The following ZC4H2 variants were observed in gnomAD, a reference collection of about 807,000 sequenced individuals.
The protein encoded by ZC4H2 is zinc finger C4H2 domain-containing protein.
For missense variants in ZC4H2, 137 were observed against 173.9 expected (o/e 0.79, Z 1.19); for synonymous variants, 84 against 66.3 (o/e 1.27, Z -1.30).
rs1287323300 is a variant in ZC4H2 at position 64,917,731 on chromosome X, T to G, written c.*52A>C. The G allele has an allele frequency of 1.7e-6, 2 of 1,181,834 alleles. No homozygotes were observed. Among genetic ancestry groups the G allele is most frequent in the Admixed American group, 4.8e-5 (2 of 41,494 alleles). On this transcript the variant is annotated 3_prime_UTR_variant, in exon 5 of 5. Transcript: ENST00000374839. ...TTTCACATCAGGACATCAATGACTCTGGTCAAGGTGAGGGGTTATAATTAG... is the reference window on the plus strand; with the variant it reads ...TTTCACATCAGGACATCAATGACTCGGGTCAAGGTGAGGGGTTATAATTAG...
chrX:64,920,375 C>A, intron 2 of ZC4H2, 122 bp from the exon 3 acceptor site: 3 of 672,340 alleles, frequency 4.5e-6, no homozygotes, highest in Non-Finnish European at 6.4e-6. Flanking sequence ...AGTCCTTGAT[C>A]TCCCATGCCC....
At chrX:64,999,539 G>A (rs1932493312) in intron 1 of ZC4H2, among the ~76,000 whole-genome samples, 1 of 112,303 alleles carries the variant, frequency 8.9e-6, no homozygotes, top group African/African-American at 3.2e-5. Flanking sequence ...TGAGCTAGCT[G>A]CAAGAGCTTT....
chrX:64,971,340 G>T (rs1204636616), intron 1 of ZC4H2, among the ~76,000 whole-genome samples: 1 of 112,278 alleles, frequency 8.9e-6, no homozygotes, highest in Non-Finnish European at 1.9e-5. Context: ...AATGGATACT[G>T]CATTACAAAT....
At chrX:64,938,741 T>G (rs1930133055) in intron 1 of ZC4H2, among the ~76,000 whole-genome samples, 1 of 111,961 alleles carries the variant, frequency 8.9e-6, no homozygotes, top group Non-Finnish European at 1.9e-5. Context: ...TCAACACCCC[T>G]TTATGCTAAA....
At chrX:64,948,889 C>A (rs776181325) in intron 1 of ZC4H2, among the ~76,000 whole-genome samples, 8 of 111,751 alleles carry the variant, frequency 7.2e-5, no homozygotes, top group Non-Finnish European at 1.5e-4. Flanking sequence ...AAACGTTTCA[C>A]CAAGTTGTAA....
intron 1 of ZC4H2, among the ~76,000 whole-genome samples, chrX:64,928,621 G>T (rs1929540020): frequency 1.0e-5 from 1 of 97,040 alleles, no homozygotes; most frequent in African/African-American, 4.4e-5. Context: ...CATGTCCTTT[G>T]CCTGCTTTCT....
At chrX:64,959,059 C>T (rs1019267754) in intron 1 of ZC4H2, among the ~76,000 whole-genome samples, 1 of 110,962 alleles carries the variant, frequency 9.0e-6, no homozygotes, top group Non-Finnish European at 1.9e-5. Flanking sequence ...ACTTTCTGGC[C>T]AATTTTATGG....
chrX:64,928,637 TTCTTCTTC>T (rs1160386873), intron 1 of ZC4H2, among the ~76,000 whole-genome samples: 22 of 64,920 alleles, frequency 3.4e-4, no homozygotes, highest in Non-Finnish European at 7.7e-4. Context: ...TTTCTCCTTC[TTCTTCTTC>T]TTCTTCTTCT....
At chrX:65,007,521 T>C (rs1490088856) in intron 1 of ZC4H2, among the ~76,000 whole-genome samples, 1 of 112,094 alleles carries the variant, frequency 8.9e-6, no homozygotes, top group Non-Finnish European at 1.9e-5. Flanking sequence ...TTTTTGAATG[T>C]CCCAGTCTTT....
In ZC4H2 at chrX:64,933,609, G is replaced by A. The variant is rs770179592; in HGVS notation, c.54-11621C>T. 8.2e-5 allele frequency among the ~76,000 whole-genome samples: 9 copies of A among 110,337 alleles called. No homozygotes were observed. The South Asian group carries it at 2.4e-3, about 29-fold the overall frequency. ...GTTTGATTCTTGGTGATTTTAGGAT[G>A]AAAACTCTGTATGAGTTCCTTATTT... On this transcript the variant is annotated intron_variant, in intron 1 of 4. Coordinates refer to ENST00000374839, the MANE Select transcript of ZC4H2 (RefSeq NM_018684.4).
At chrX:64,995,845 C>T (rs531217960) in intron 1 of ZC4H2, among the ~76,000 whole-genome samples, 3 of 112,279 alleles carry the variant, frequency 2.7e-5, no homozygotes, top group South Asian at 7.4e-4. Context: ...CCTCTCAGGG[C>T]AGAAAACTTG....
chrX:64,965,571 C>T (rs1211431736), intron 1 of ZC4H2: 1 of 275,824 alleles, frequency 3.6e-6, no homozygotes, highest in Non-Finnish European at 6.7e-6. Context: ...CTTAGGCAAA[C>T]ATTTCTCCTA....
intron 1 of ZC4H2, among the ~76,000 whole-genome samples, chrX:65,003,125 C>CA (rs34863152): frequency 0.099 from 8,607 of 87,376 alleles, 1,050 homozygotes; most frequent in African/African-American, 0.31. Flanking sequence ...GTCTGAAATT[C>CA]AAAAAAAAAA....
chrX:64,937,854 T>C (rs1485729546), intron 1 of ZC4H2, among the ~76,000 whole-genome samples: 2 of 111,438 alleles, frequency 1.8e-5, no homozygotes, highest in East Asian at 5.6e-4. Flanking sequence ...ATTGACACCC[T>C]AACATCACAA....
In ZC4H2 at chrX:64,947,788, G is replaced by T. The variant is rs754226015; in HGVS notation, c.54-25800C>A. Among the ~76,000 whole-genome samples, 7 of 111,418 alleles carry T rather than the reference G, an allele frequency of 6.3e-5. No individual in the cohort carries two copies. The East Asian group carries it at 8.4e-4, about 13-fold the overall frequency. ...AAACTGTGAATAATGCAAACACTGA[G>T]CTGTGACCAATCCAGTTGTTTCTGT... On this transcript the variant is annotated intron_variant, in intron 1 of 4. Coordinates refer to ENST00000374839, the MANE Select transcript of ZC4H2 (RefSeq NM_018684.4).
intron 1 of ZC4H2, among the ~76,000 whole-genome samples, chrX:64,973,028 T>A (rs1931831593): frequency 1.8e-5 from 2 of 111,983 alleles, no homozygotes; most frequent in South Asian, 7.5e-4. Context: ...TGACTATTTT[T>A]CATTATGTAA....
intron 1 of ZC4H2, among the ~76,000 whole-genome samples, chrX:65,011,214 C>A (rs1243332937): frequency 1.8e-5 from 2 of 111,651 alleles, no homozygotes; most frequent in Non-Finnish European, 3.8e-5. Flanking sequence ...TATTATTATC[C>A]TTATATCACT....
chrX:64,921,564 T>A (rs187564140), intron 2 of ZC4H2, among the ~76,000 whole-genome samples: 387 of 111,513 alleles, frequency 3.5e-3, no homozygotes, highest in Non-Finnish European at 5.5e-3. Context: ...ATTTAGAGGG[T>A]ACTGAGTCCC....
chrX:64,971,581 C>T (rs768035080), intron 1 of ZC4H2, among the ~76,000 whole-genome samples: 1 of 111,631 alleles, frequency 9.0e-6, no homozygotes, highest in African/African-American at 3.3e-5. Flanking sequence ...AGCTTGATTG[C>T]TGTAGGAAGA....
Sources: gnomAD v4.1 joint callset for allele counts (sites outside exome capture counted in the v4.1 genomes callset) on GRCh38, gnomAD v4.1.1 for gene constraint, MANE v1.5 for transcripts, NCBI Gene and HGNC (gene_info 2026-07-23, HGNC 2026-07-21) for gene names.